Variants in FBXL13 observed in about 807,000 individuals in gnomAD.
FBXL13 encodes F-box and leucine-rich repeat protein 13.
A neutral mutation model predicts 83.6 loss-of-function variants in FBXL13; 67 were observed. The ratio of observed to expected loss-of-function variants is 0.80; its 90% CI spans 0.66 to 0.98. The LOEUF (loss-of-function observed/expected upper bound fraction) is 0.98. Among genes scored for constraint, FBXL13 ranks in the 50% least tolerant of loss-of-function variants. The pLI, the probability that FBXL13 is intolerant of heterozygous loss-of-function variation, is 0.00. For synonymous variants in FBXL13, 272 were observed against 299.5 expected (o/e 0.91, Z 0.95); for missense variants, 822 against 866.5 (o/e 0.95, Z 0.64).
chr7:102,971,400 C>A (rs1479272525), intron 6 of FBXL13, among the ~76,000 whole-genome samples: 9 of 152,026 alleles, frequency 5.9e-5, no homozygotes, highest in African/African-American at 2.2e-4. Context: ...GCGTTCGAGA[C>A]CAGCCTGACC....
intron 18 of FBXL13, among the ~76,000 whole-genome samples, chr7:102,826,763 A>G (rs1230946556): frequency 1.1e-4 from 13 of 115,806 alleles, no homozygotes; most frequent in Non-Finnish European, 1.6e-4. Flanking sequence ...ATATATATAT[A>G]TATATATATG....
At chr7:102,847,207 G>GA (rs200296509) in intron 17 of FBXL13, among the ~76,000 whole-genome samples, 56 of 142,106 alleles carry the variant, frequency 3.9e-4, no homozygotes, top group South Asian at 1.6e-3. Flanking sequence ...AACTTTACAG[G>GA]AAAAAAAAAA....
chr7:102,921,615 G>C (rs1454120688), intron 10 of FBXL13, among the ~76,000 whole-genome samples: 1 of 151,992 alleles, frequency 6.6e-6, no homozygotes, highest in Non-Finnish European at 1.5e-5. Flanking sequence ...AGGAGGCGGA[G>C]GCTATGGTGA....
intron 10 of FBXL13, among the ~76,000 whole-genome samples, chr7:102,924,895 C>T (rs888899934): frequency 6.4e-4 from 98 of 152,128 alleles, no homozygotes; most frequent in African/African-American, 2.2e-3. Context: ...TCCCAAAGTG[C>T]TGGGATTACA....
intron 1 of FBXL13, among the ~76,000 whole-genome samples, chr7:103,066,858 C>A (rs1050698678): frequency 6.9e-6 from 1 of 145,508 alleles, no homozygotes; most frequent in Non-Finnish European, 1.5e-5. Context: ...ATGGCGTGAT[C>A]GCAGCTCACC....
chr7:102,956,962 G>T (rs190008646), intron 8 of FBXL13, among the ~76,000 whole-genome samples: 5 of 152,156 alleles, frequency 3.3e-5, no homozygotes, highest in Admixed American at 2.0e-4. Context: ...ATACTGCCCA[G>T]GGTAATTTAT....
intron 1 of FBXL13, among the ~76,000 whole-genome samples, chr7:103,072,115 G>A (rs565355088): frequency 3.9e-5 from 6 of 151,992 alleles, no homozygotes; most frequent in East Asian, 1.9e-4. Flanking sequence ...CCCAGGAGGC[G>A]GATGTTGCAG....
chr7:102,941,798 TTAAAG>T (rs1821508739), intron 8 of FBXL13, among the ~76,000 whole-genome samples: 1 of 151,934 alleles, frequency 6.6e-6, no homozygotes. Flanking sequence ...GTTAAATGTA[TTAAAG>T]TAATGAGTAA....
chr7:102,819,024 C>T (rs1423859099), intron 19 of FBXL13, among the ~76,000 whole-genome samples: 1 of 152,138 alleles, frequency 6.6e-6, no homozygotes, highest in African/African-American at 2.4e-5. Flanking sequence ...CATCATTTAG[C>T]TCCCACTTAT....
intron 9 of FBXL13, among the ~76,000 whole-genome samples, chr7:102,929,797 G>A (rs776159692): frequency 1.3e-3 from 193 of 152,034 alleles, no homozygotes; most frequent in Admixed American, 2.3e-3. Flanking sequence ...AGGGGTGAGG[G>A]AAATGTTCTG....
intron 15 of FBXL13, 77 bp from the exon 17 acceptor site, chr7:102,877,670 C>G (rs1053276674): frequency 1.4e-6 from 2 of 1,456,918 alleles, no homozygotes; most frequent in Non-Finnish European, 1.9e-6. Context: ...TAAAAACTAT[C>G]TTGGGAAAAC....
intron 6 of FBXL13, 58 bp downstream of exon 7, chr7:103,025,005 C>A (rs922877659): frequency 3.0e-6 from 4 of 1,351,226 alleles, no homozygotes; most frequent in South Asian, 1.4e-5. Context: ...GGATTACAGG[C>A]ATGCACCACC....
chr7:102,911,501 T>C (rs568924522), intron 11 of FBXL13, among the ~76,000 whole-genome samples: 1 of 152,116 alleles, frequency 6.6e-6, no homozygotes, highest in Non-Finnish European at 1.5e-5. Flanking sequence ...GCCATTGGCA[T>C]TTGCTAATTG....
At chr7:102,857,827 G>C (rs1319058064) in intron 16 of FBXL13, 1 of 152,156 alleles carries the variant, frequency 6.6e-6, no homozygotes, top group Non-Finnish European at 1.5e-5. Context: ...TGAGGATGCA[G>C]AGAAAAGAGA....
intron 10 of FBXL13, among the ~76,000 whole-genome samples, chr7:102,920,247 C>T (rs974685042): frequency 2.4e-4 from 37 of 152,128 alleles, no homozygotes; most frequent in African/African-American, 7.5e-4. Context: ...ATGTACCTTT[C>T]GAATACCTTC....
chr7:102,884,712 T>G (rs1810568415), intron 11 of FBXL13, among the ~76,000 whole-genome samples: 1 of 152,176 alleles, frequency 6.6e-6, no homozygotes, highest in African/African-American at 2.4e-5. Context: ...TTCATAATGT[T>G]GTGCAACCAG....
chr7:102,830,865 C>T (rs552418190), intron 18 of FBXL13, among the ~76,000 whole-genome samples: 1 of 152,202 alleles, frequency 6.6e-6, no homozygotes, highest in Non-Finnish European at 1.5e-5. Flanking sequence ...ATTTTGCTAA[C>T]TCCAAGTTTT....
At chr7:103,023,473 C>T (rs1409044987) in intron 6 of FBXL13, among the ~76,000 whole-genome samples, 2 of 152,090 alleles carry the variant, frequency 1.3e-5, no homozygotes, top group Admixed American at 6.5e-5. Context: ...CAGAAAATAA[C>T]AGATACTGGC....
chr7:102,819,042 A>G (rs1027293564), intron 19 of FBXL13, among the ~76,000 whole-genome samples: 1 of 152,120 alleles, frequency 6.6e-6, no homozygotes, highest in Non-Finnish European at 1.5e-5. Context: ...TATAAGTGAG[A>G]ACATGCGTTA....
Sources: allele counts gnomAD v4.1 joint callset (sites outside exome capture counted in the v4.1 genomes callset), GRCh38; gene constraint gnomAD v4.1.1; transcripts MANE v1.5; gene names NCBI Gene and HGNC (gene_info 2026-07-23, HGNC 2026-07-21).